Variants in MACF1 observed in about 807,000 individuals in gnomAD.
The protein encoded by MACF1 is microtubule-actin cross-linking factor 1.
In MACF1, 193 loss-of-function variants were observed where a neutral mutation model predicts 854.8. That is an observed-to-expected ratio of 0.23 (90% CI 0.20 to 0.25). The LOEUF (loss-of-function observed/expected upper bound fraction) is 0.25, where lower values mean the gene tolerates loss of function less well. Among genes scored for constraint, MACF1 ranks in the 10% least tolerant of loss-of-function variants. MACF1 has a pLI of 1.00. For missense variants in MACF1, 7,722 were observed against 8,929.1 expected, an observed-to-expected ratio of 0.86 and a Z score of 5.45; for synonymous variants, 3,185 against 3,226.7, an observed-to-expected ratio of 0.99 and a Z score of 0.44.
intron 1 of MACF1, among the ~76,000 whole-genome samples, chr1:39,223,600 C>T (rs539141335): frequency 4.6e-5 from 7 of 151,936 alleles, no homozygotes; most frequent in African/African-American, 1.7e-4. Context: ...CTGTGACCTC[C>T]GCCTCCTGGG....
At chr1:39,454,575 T>C (rs1570140195) in intron 88 of MACF1, among the ~76,000 whole-genome samples, 1 of 151,860 alleles carries the variant, frequency 6.6e-6, no homozygotes, top group Admixed American at 6.6e-5. Flanking sequence ...CTTGAGGCGG[T>C]CAGATTACCT....
chr1:39,241,534 C>G (rs1000875820), intron 2 of MACF1, among the ~76,000 whole-genome samples: 1 of 151,828 alleles, frequency 6.6e-6, no homozygotes, highest in Non-Finnish European at 1.5e-5. Flanking sequence ...GTGATGCATG[C>G]CTGTAATACC....
intron 2 of MACF1, among the ~76,000 whole-genome samples, chr1:39,164,323 G>C (rs1044763476): frequency 1.3e-5 from 2 of 152,016 alleles, no homozygotes; most frequent in Admixed American, 6.6e-5. Context: ...ACTTTTAAAG[G>C]CTACTGAGGG....
At chr1:39,284,031 T>C in intron 9 of MACF1, 35 bp from the exon 10 acceptor site, 1 of 1,606,874 alleles carries the variant, frequency 6.2e-7, no homozygotes, top group Non-Finnish European at 8.5e-7. Context: ...TGGATATTGC[T>C]AATCAGGTGT....
Position 39,332,306 on chromosome 1 carries a change from T to C in MACF1, c.5718T>C (p.Ser1906=). Residue 1906 remains serine, a synonymous_variant, in exon 37 of 101, where the codon AGT becomes AGC. Coordinates refer to ENST00000564288, the MANE Select transcript of MACF1 (RefSeq NM_001394062.1). ...TGTCCTGGAAGAAAGCAATAGAAAG[T>C]GGTATCCTGGATAGAGATCTTGCCA... ...EILSWKKAIE[S]GILDRDLANN... is the part of the protein sequence containing the mutation. The C allele has an allele frequency of 6.2e-7, 1 of 1,613,804 alleles. No individual in the cohort carries two copies. The highest frequency in any genetic ancestry group is 2.2e-5 in the East Asian group (1 of 44,876).
Position 39,335,499 on chromosome 1 carries a change from G to T in MACF1, c.8911G>T (p.Val2971Leu), listed in dbSNP as rs778429380. Residue 2971 changes from valine to leucine, a missense_variant, in exon 37 of 101, where the codon GTG (valine) becomes TTG (leucine). Around this residue, in one of 15 missense-constraint regions of MACF1, gnomAD observed 854 missense variants for 852.6 expected, o/e 1.00. Coordinates refer to ENST00000564288, the MANE Select transcript of MACF1 (RefSeq NM_001394062.1). Reference sequence around the variant, plus strand: ...TTTGCAGCAACCAATGAATGCTCGGGTGAAAAGTAAGAGAGAGAAGAGGGA... The same window carrying T: ...TTTGCAGCAACCAATGAATGCTCGGTTGAAAAGTAAGAGAGAGAAGAGGGA... ...QVLQQPMNAR[V>L]KSKREKREVI... The T allele has an allele frequency of 5.0e-6, 8 of 1,614,176 alleles. No individual in the cohort carries two copies. Among genetic ancestry groups the T allele is most frequent in the Admixed American group, 1.7e-5 (1 of 60,028 alleles).
intron 56 of MACF1, 127 bp from the exon 57 acceptor site, chr1:39,385,307 A>T: frequency 1.0e-6 from 1 of 986,028 alleles, no homozygotes; most frequent in Admixed American, 2.6e-5. Flanking sequence ...ACCTCAAGTG[A>T]TCCTCCCACC....
At chr1:39,292,977 A>G (rs1243708015) in intron 17 of MACF1, 134 bp downstream of exon 17, 6 of 635,102 alleles carry the variant, frequency 9.4e-6, no homozygotes, top group East Asian at 2.8e-5. Flanking sequence ...ATCATTTACT[A>G]TGCACTTATT....
intron 2 of MACF1, among the ~76,000 whole-genome samples, chr1:39,176,668 A>G (rs371392091): frequency 2.0e-5 from 3 of 152,180 alleles, no homozygotes; most frequent in Admixed American, 6.5e-5. Context: ...TAGATGTTTA[A>G]TAGTCAGGTT....
chr1:39,444,811 C>A lies in MACF1; in HGVS notation c.19581C>A (p.Val6527=). 1.2e-6 allele frequency: 2 copies of A among 1,610,514 alleles called. No individual in the cohort carries two copies. Among genetic ancestry groups the A allele is most frequent in the South Asian group, 2.2e-5 (2 of 90,808 alleles). ...TTTTGGAGCAGAAGTGGCATGTGGTCAGCAGTAAGATGGAAGAAAGAAAGG... is the reference window on the plus strand; with the variant it reads ...TTTTGGAGCAGAAGTGGCATGTGGTAAGCAGTAAGATGGAAGAAAGAAAGG... ...VALLEQKWHV[V]SSKMEERKSK... Residue 6527 remains valine (V), a synonymous_variant, in exon 80 of 101, where the codon GTC becomes GTA. Coordinates refer to ENST00000564288, the MANE Select transcript of MACF1 (RefSeq NM_001394062.1).
At position 39,334,650 on chromosome 1, in the gene MACF1, G is replaced by A. The variant is rs779007505; in HGVS notation, c.8062G>A (p.Ala2688Thr). 1.4e-5 allele frequency: 23 copies of A among 1,613,952 alleles called. No homozygotes were observed. Among genetic ancestry groups the A allele is most frequent in the African/African-American group, 4.0e-5 (3 of 74,926 alleles). ...TACGCTGAAGGTTCTAGAAGCCCAG[G>A]CAAATACTGGTGGAATCATAGATAC... is the stretch of plus-strand genomic sequence containing the variant. Reference protein sequence around the residue: ...ASTLKVLEAQANTGGIIDTAT... With the variant: ...ASTLKVLEAQTNTGGIIDTAT... Residue 2688 changes from alanine (A) to threonine (T), a missense_variant, in exon 37 of 101, where the codon GCA becomes ACA. Transcript: ENST00000564288.
intron 6 of MACF1, among the ~76,000 whole-genome samples, chr1:39,263,690 A>G (rs746014773): frequency 1.2e-4 from 18 of 151,014 alleles, no homozygotes; most frequent in Non-Finnish European, 1.8e-4. Flanking sequence ...CATAAACAAT[A>G]TGTACTGTTG....
intron 15 of MACF1, among the ~76,000 whole-genome samples, chr1:39,288,762 A>G (rs1645706249): frequency 6.6e-6 from 1 of 152,234 alleles, no homozygotes; most frequent in Non-Finnish European, 1.5e-5. Context: ...ACTGCGCTCC[A>G]GCCTGGGCAA....
chr1:39,198,237 G>T (rs1429129613), intron 2 of MACF1, among the ~76,000 whole-genome samples: 1 of 152,012 alleles, frequency 6.6e-6, no homozygotes, highest in Admixed American at 6.6e-5. Flanking sequence ...GGCTGGGCGC[G>T]GTGGCTCATG....
At chr1:39,128,492 C>G (rs891328262) in intron 2 of MACF1, among the ~76,000 whole-genome samples, 4 of 152,160 alleles carry the variant, frequency 2.6e-5, no homozygotes, top group African/African-American at 9.7e-5. Flanking sequence ...GTCAGGAGAT[C>G]AAGACCATCC....
At chr1:39,271,800 T>C (rs753606149) in intron 6 of MACF1, among the ~76,000 whole-genome samples, 2 of 152,192 alleles carry the variant, frequency 1.3e-5, no homozygotes, top group Non-Finnish European at 2.9e-5. Flanking sequence ...TCCTAGATAA[T>C]AGACCATAGA....
At chr1:39,468,383 C>T (rs1644711379) in intron 95 of MACF1, among the ~76,000 whole-genome samples, 1 of 152,204 alleles carries the variant, frequency 6.6e-6, no homozygotes, top group East Asian at 1.9e-4. Flanking sequence ...GAGTGAAACT[C>T]TGTCTCACAA....
Position 39,449,773 on chromosome 1 carries a change from C to T in MACF1, c.20258+1010C>T, listed in dbSNP as rs185078394. Among the ~76,000 whole-genome samples the T allele has an allele frequency of 2.0e-5, 3 of 150,314 alleles. No homozygotes were observed. The East Asian group carries it at 5.8e-4, about 29-fold the overall frequency. ...GCTGGAGTGCAGAACTTACTGCAGCCTCCAACTCCTGGGCTCAAGGGATCC... is the reference window on the plus strand; with the variant it reads ...GCTGGAGTGCAGAACTTACTGCAGCTTCCAACTCCTGGGCTCAAGGGATCC... On this transcript the variant is annotated intron_variant, in intron 84 of 100. Transcript: ENST00000564288.
chr1:39,215,294 A>G (rs1644562686), intron 1 of MACF1: 1 of 152,564 alleles, frequency 6.6e-6, no homozygotes, highest in Non-Finnish European at 1.5e-5. Flanking sequence ...CGAAGGGTGC[A>G]CAGGCCAGTA....
Sources: allele counts gnomAD v4.1 joint callset (sites outside exome capture counted in the v4.1 genomes callset), GRCh38; gene constraint gnomAD v4.1.1; regional missense constraint gnomAD v4.1.1; transcripts MANE v1.5; gene names NCBI Gene and HGNC (gene_info 2026-07-23, HGNC 2026-07-21).